The following KHDRBS2 variants were observed in gnomAD, a reference collection of about 807,000 sequenced individuals.
The protein encoded by KHDRBS2 is KH domain-containing, RNA-binding, signal transduction-associated protein 2.
A neutral mutation model predicts 44.3 loss-of-function variants in KHDRBS2; 26 were observed. The ratio of observed to expected loss-of-function variants is 0.59; its 90% confidence interval spans 0.43 to 0.81. The LOEUF (loss-of-function observed/expected upper bound fraction) is 0.81, where lower values mean the gene tolerates loss of function less well. Ranked by LOEUF, KHDRBS2 falls within the 40% of genes least tolerant of loss-of-function variation. KHDRBS2 has a pLI of 0.00. For synonymous variants in KHDRBS2, 194 were observed against 151.1 expected, an observed-to-expected ratio of 1.28 and a Z score of -2.08; for missense variants, 476 against 433.1, an observed-to-expected ratio of 1.10 and a Z score of -0.88.
At chr6:61,552,087 T>C in the KHDRBS2 span, among the ~76,000 whole-genome samples, 1 of 152,080 alleles carries the variant, frequency 6.6e-6, no homozygotes, top group Non-Finnish European at 1.5e-5. Context: ...TAGCATTGAA[T>C]TTATAAATTG....
intron 1 of KHDRBS2, among the ~76,000 whole-genome samples, chr6:62,209,020 A>C (rs572639502): frequency 1.3e-5 from 2 of 152,220 alleles, no homozygotes; most frequent in Non-Finnish European, 2.9e-5. Flanking sequence ...ATCAAACTAA[A>C]AAGCTTCTGC....
chr6:62,162,030 A>T (rs1197963920), intron 2 of KHDRBS2, among the ~76,000 whole-genome samples: 2 of 152,120 alleles, frequency 1.3e-5, no homozygotes. Flanking sequence ...TATAGTAAAA[A>T]GTGAAGTTAC....
intron 2 of KHDRBS2, among the ~76,000 whole-genome samples, chr6:62,086,422 A>G (rs905072174): frequency 6.6e-6 from 1 of 152,156 alleles, no homozygotes; most frequent in African/African-American, 2.4e-5. Context: ...AATTATAGAG[A>G]ATGTATAGTG....
chr6:61,999,081 A>G (rs1307898557), intron 3 of KHDRBS2, among the ~76,000 whole-genome samples: 1 of 152,082 alleles, frequency 6.6e-6, no homozygotes, highest in Non-Finnish European at 1.5e-5. Context: ...TTCTTGCATT[A>G]AGGCAAACTA....
intron 6 of KHDRBS2, among the ~76,000 whole-genome samples, chr6:61,762,605 C>T (rs557872148): frequency 6.6e-6 from 1 of 152,302 alleles, no homozygotes; most frequent in Non-Finnish European, 1.5e-5. Context: ...TACTCTACAC[C>T]TTGTACCGTG....
chr6:61,834,670 G>A (rs1367076430), intron 6 of KHDRBS2, among the ~76,000 whole-genome samples: 1 of 151,946 alleles, frequency 6.6e-6, no homozygotes, highest in African/African-American at 2.4e-5. Context: ...TGGGTTGTTT[G>A]TATGGTTCAT....
At chr6:62,226,959 A>G (rs1001026989) in intron 1 of KHDRBS2, among the ~76,000 whole-genome samples, 2 of 152,184 alleles carry the variant, frequency 1.3e-5, no homozygotes, top group African/African-American at 4.8e-5. Context: ...AGATAGCATG[A>G]TGACTCCAGC....
At chr6:61,936,908 G>A (rs924638650) in intron 4 of KHDRBS2, among the ~76,000 whole-genome samples, 2 of 151,870 alleles carry the variant, frequency 1.3e-5, no homozygotes, top group Non-Finnish European at 2.9e-5. Context: ...TTGTTCTACA[G>A]TATAATACAC....
chr6:62,235,875 G>A (rs1263107708), intron 1 of KHDRBS2, among the ~76,000 whole-genome samples: 1 of 151,990 alleles, frequency 6.6e-6, no homozygotes, highest in Non-Finnish European at 1.5e-5. Context: ...AGAAGTGACA[G>A]ATTAAACATT....
intron 2 of KHDRBS2, among the ~76,000 whole-genome samples, chr6:62,073,984 T>C (rs1317742526): frequency 6.6e-6 from 1 of 151,762 alleles, no homozygotes; most frequent in Non-Finnish European, 1.5e-5. Flanking sequence ...CCACTTTTTC[T>C]ACGGAAACAT....
At chr6:61,681,657 T>A (rs975801488) in intron 8 of KHDRBS2, among the ~76,000 whole-genome samples, 2 of 151,782 alleles carry the variant, frequency 1.3e-5, no homozygotes, top group African/African-American at 4.8e-5. Context: ...CACAAAGATA[T>A]CAGTTTTTCC....
chr6:61,820,726 C>G (rs532050068), intron 6 of KHDRBS2, among the ~76,000 whole-genome samples: 1 of 152,106 alleles, frequency 6.6e-6, no homozygotes, highest in South Asian at 2.1e-4. Context: ...ATACACAATC[C>G]ATTTATGCAG....
chr6:61,608,211 AGTCT>A, the KHDRBS2 span, among the ~76,000 whole-genome samples: 1 of 152,068 alleles, frequency 6.6e-6, no homozygotes, highest in Non-Finnish European at 1.5e-5. Context: ...TAGCTATATC[AGTCT>A]AACATTTCTG....
intron 4 of KHDRBS2, among the ~76,000 whole-genome samples, chr6:61,905,819 C>T (rs1450730843): frequency 6.7e-6 from 1 of 148,362 alleles, no homozygotes; most frequent in Non-Finnish European, 1.5e-5. Flanking sequence ...AATGAGGCAC[C>T]TAAATGCTTA....
intron 6 of KHDRBS2, among the ~76,000 whole-genome samples, chr6:61,864,610 T>A (rs1797518472): frequency 6.6e-6 from 1 of 152,186 alleles, no homozygotes; most frequent in Admixed American, 6.5e-5. Context: ...TTCTGTCTTT[T>A]AGGATTTCCT....
At chr6:62,133,727 T>C (rs1286863991) in intron 2 of KHDRBS2, among the ~76,000 whole-genome samples, 2 of 152,154 alleles carry the variant, frequency 1.3e-5, no homozygotes, top group Non-Finnish European at 2.9e-5. Context: ...GATAGTGATA[T>C]GGATAATGAA....
chr6:61,652,564 A>T, the KHDRBS2 span, among the ~76,000 whole-genome samples: 24 of 152,146 alleles, frequency 1.6e-4, no homozygotes, highest in Non-Finnish European at 3.5e-4. Context: ...GTTATTTGAC[A>T]GATAACAAAT....
At chr6:61,611,327 A>G in the KHDRBS2 span, among the ~76,000 whole-genome samples, 2 of 152,208 alleles carry the variant, frequency 1.3e-5, no homozygotes, top group Non-Finnish European at 2.9e-5. Flanking sequence ...AAAGTACCCA[A>G]TCACCTTATG....
At chr6:61,946,467 AT>A (rs766854005) in intron 4 of KHDRBS2, among the ~76,000 whole-genome samples, 2 of 152,188 alleles carry the variant, frequency 1.3e-5, no homozygotes, top group Non-Finnish European at 2.9e-5. Flanking sequence ...AGTGCAGAAT[AT>A]TGTCCTAAAG....
Sources: allele counts gnomAD v4.1 joint callset (sites outside exome capture counted in the v4.1 genomes callset), GRCh38; gene constraint gnomAD v4.1.1; transcripts MANE v1.5; gene names NCBI Gene and HGNC (gene_info 2026-07-23, HGNC 2026-07-21).